ARHGAP22: variants seen among roughly 807,000 people sequenced by gnomAD.
ARHGAP22 encodes the protein Rho GTPase activating protein 22.
In ARHGAP22, 48 loss-of-function variants were observed where a neutral mutation model predicts 59.1. The observed-to-expected ratio is 0.81, with a 90% confidence interval of 0.64 to 1.03. The LOEUF (loss-of-function observed/expected upper bound fraction) is 1.03, where lower values mean the gene tolerates loss of function less well. Ranked by LOEUF, ARHGAP22 falls within the 50% of genes least tolerant of loss-of-function variation. The pLI is 0.00. For synonymous variants in ARHGAP22, 445 were observed against 416.4 expected (o/e 1.07, Z -0.84); for missense variants, 1,015 against 958.7 (o/e 1.06, Z -0.78).
chr10:48,435,143 A>G, the ARHGAP22 span: 1 of 818,998 alleles, frequency 1.2e-6, no homozygotes, highest in Non-Finnish European at 1.8e-6. Flanking sequence ...AAAATGTAGA[A>G]TTCATTTTGT....
the ARHGAP22 span, chr10:48,434,992 T>G: frequency 6.3e-7 from 1 of 1,598,376 alleles, no homozygotes; most frequent in Non-Finnish European, 8.5e-7. Flanking sequence ...GACAGCAGTC[T>G]AGAAGCAGCA....
At chr10:48,454,200 AGGGCCCTGACTGTTCTC>A in intron 6 of ARHGAP22, 39 bp from the exon 7 acceptor site, 1 of 1,501,390 alleles carries the variant, frequency 6.7e-7, no homozygotes, top group Non-Finnish European at 9.3e-7. Flanking sequence ...ACCGGCAATG[AGGGCCCTGACTGTTCTC>A]TGACTGCGAG....
chr10:48,493,954 G>A (rs941802085), intron 3 of ARHGAP22, among the ~76,000 whole-genome samples: 1 of 152,240 alleles, frequency 6.6e-6, no homozygotes, highest in Non-Finnish European at 1.5e-5. Flanking sequence ...ATGCATGGGA[G>A]AAGCCTGATG....
At chr10:48,553,732 A>T (rs2057087354) in intron 3 of ARHGAP22, among the ~76,000 whole-genome samples, 1 of 152,124 alleles carries the variant, frequency 6.6e-6, no homozygotes, top group Non-Finnish European at 1.5e-5. Flanking sequence ...CGCCCCCAAC[A>T]CCCCCAACAC....
chr10:48,547,250 G>A (rs184012832), intron 3 of ARHGAP22, among the ~76,000 whole-genome samples: 278 of 152,334 alleles, frequency 1.8e-3, no homozygotes, highest in African/African-American at 6.6e-3. Context: ...TGTGTCTGGC[G>A]ACAATCAACC....
chr10:48,620,598 C>T (rs1246386898), intron 1 of ARHGAP22, among the ~76,000 whole-genome samples: 1 of 152,216 alleles, frequency 6.6e-6, no homozygotes, highest in Non-Finnish European at 1.5e-5. Context: ...AGTTCCCAGC[C>T]TCCCAAAGCT....
chr10:48,619,034 A>G (rs150429032), intron 1 of ARHGAP22, among the ~76,000 whole-genome samples: 1 of 152,202 alleles, frequency 6.6e-6, no homozygotes, highest in East Asian at 1.9e-4. Flanking sequence ...ACAAAAGCCT[A>G]TAGCATTTGT....
Position 48,555,559 on chromosome 10 carries a change from G to T in ARHGAP22, c.235-9C>A, listed in dbSNP as rs1262702300. On this transcript the variant is annotated splice_polypyrimidine_tract_variant and intron_variant, in intron 2 of 9. Coordinates refer to ENST00000249601, the MANE Select transcript of ARHGAP22 (RefSeq NM_021226.4). Reference sequence around the variant, plus strand: ...TGTAGAGAAATAAATCCCTAAAAAGGAGGCAAACACAAACACAGGGAGCAT... The same window carrying T: ...TGTAGAGAAATAAATCCCTAAAAAGTAGGCAAACACAAACACAGGGAGCAT... 6.2e-7 allele frequency: 1 copy of T among 1,613,086 alleles called. No homozygotes were observed. Among genetic ancestry groups the T allele is most frequent in the African/African-American group, 1.3e-5 (1 of 74,918 alleles).
chr10:48,441,545 A>T (rs1438255001), downstream of ARHGAP22, among the ~76,000 whole-genome samples: 1 of 147,618 alleles, frequency 6.8e-6, no homozygotes, highest in Non-Finnish European at 1.5e-5. Flanking sequence ...TCCGCCTCCC[A>T]GGTTCATGCC....
chr10:48,578,578 C>T (rs2058911249), intron 2 of ARHGAP22, among the ~76,000 whole-genome samples: 1 of 151,892 alleles, frequency 6.6e-6, no homozygotes, highest in Admixed American at 6.6e-5. Context: ...TTGATCTTCG[C>T]TCTCTCATGC....
chr10:48,512,157 C>A (rs1225176175), intron 3 of ARHGAP22, among the ~76,000 whole-genome samples: 1 of 152,236 alleles, frequency 6.6e-6, no homozygotes, highest in Non-Finnish European at 1.5e-5. Flanking sequence ...ATGTCCCAGG[C>A]CTTTTGTTGC....
intron 1 of ARHGAP22, among the ~76,000 whole-genome samples, chr10:48,599,139 C>A (rs890299102): frequency 5.3e-5 from 8 of 152,306 alleles, no homozygotes; most frequent in Admixed American, 4.6e-4. Flanking sequence ...TCCAACAGGG[C>A]TCCAAGCCAC....
chr10:48,509,620 G>A (rs779111198), intron 3 of ARHGAP22, among the ~76,000 whole-genome samples: 31 of 152,150 alleles, frequency 2.0e-4, no homozygotes, highest in Non-Finnish European at 4.1e-4. Context: ...GGCCTCTTCC[G>A]GGGCTCCACA....
At chr10:48,635,425 C>T (rs1262082546) in intron 1 of ARHGAP22, among the ~76,000 whole-genome samples, 1 of 152,226 alleles carries the variant, frequency 6.6e-6, no homozygotes, top group African/African-American at 2.4e-5. Flanking sequence ...TGTGGTGAAA[C>T]GTCCCCTCTT....
intron 1 of ARHGAP22, among the ~76,000 whole-genome samples, chr10:48,643,873 C>T (rs1188784622): frequency 1.3e-5 from 2 of 151,892 alleles, no homozygotes; most frequent in East Asian, 1.9e-4. Context: ...CTGGGCCAGG[C>T]GTGGTGGCTC....
chr10:48,613,010 A>C (rs1458634133), intron 1 of ARHGAP22, among the ~76,000 whole-genome samples: 1 of 152,186 alleles, frequency 6.6e-6, no homozygotes, highest in Non-Finnish European at 1.5e-5. Flanking sequence ...GTGCTGCTGG[A>C]TGATGCCCTC....
At chr10:48,447,505 C>T (rs1226184911) in intron 9 of ARHGAP22, among the ~76,000 whole-genome samples, 1 of 152,186 alleles carries the variant, frequency 6.6e-6, no homozygotes, top group South Asian at 2.1e-4. Context: ...TGAATAAACA[C>T]GGATTCCTCA....
intron 1 of ARHGAP22, among the ~76,000 whole-genome samples, chr10:48,603,918 G>A (rs1043102044): frequency 2.6e-5 from 4 of 152,206 alleles, no homozygotes; most frequent in African/African-American, 9.6e-5. Flanking sequence ...CCAGGCAAAT[G>A]CTCCATCCAC....
the ARHGAP22 span, chr10:48,430,574 T>TC: frequency 6.5e-6 from 1 of 152,792 alleles, no homozygotes; most frequent in African/African-American, 2.4e-5. Context: ...CTACTTGCTG[T>TC]CCAGAAGCCT....
Sources: allele counts gnomAD v4.1 joint callset (sites outside exome capture counted in the v4.1 genomes callset), GRCh38; gene constraint gnomAD v4.1.1; transcripts MANE v1.5; gene names NCBI Gene and HGNC (gene_info 2026-07-23, HGNC 2026-07-21).